The following SLC38A12 variants were observed in gnomAD, a reference collection of about 807,000 sequenced individuals.
SLC38A12 encodes the protein putative sodium-coupled neutral amino acid transporter 12.
chr17:74,813,952 A>T, the SLC38A12 span, among the ~76,000 whole-genome samples: 1 of 152,170 alleles, frequency 6.6e-6, no homozygotes, highest in Non-Finnish European at 1.5e-5. Flanking sequence ...TTCCAGCCAG[A>T]GGAAGGATGA....
At chr17:74,826,200 G>A in the SLC38A12 span, among the ~76,000 whole-genome samples, 1 of 152,118 alleles carries the variant, frequency 6.6e-6, no homozygotes, top group Non-Finnish European at 1.5e-5. Context: ...GCCAGGCTCC[G>A]AGGGTGTGGG....
At chr17:74,818,138 C>T in the SLC38A12 span, among the ~76,000 whole-genome samples, 2 of 152,218 alleles carry the variant, frequency 1.3e-5, no homozygotes, top group African/African-American at 2.4e-5. Flanking sequence ...CCAGAGTCAA[C>T]GTTCTGCATG....
At chr17:74,825,285 G>A in the SLC38A12 span, among the ~76,000 whole-genome samples, 1 of 152,214 alleles carries the variant, frequency 6.6e-6, no homozygotes, top group South Asian at 2.1e-4. Context: ...GGGCTGTTCC[G>A]TGTCCAGTCA....
the SLC38A12 span, among the ~76,000 whole-genome samples, chr17:74,832,240 A>C: frequency 6.8e-6 from 1 of 147,952 alleles, no homozygotes; most frequent in Non-Finnish European, 1.5e-5. Flanking sequence ...CCTTTCCTCC[A>C]TCTCCCAGGG....
chr17:74,788,840 G>A, the SLC38A12 span: 28 of 1,613,406 alleles, frequency 1.7e-5, no homozygotes, highest in East Asian at 1.6e-4. Context: ...CCAACGCGCA[G>A]CTCCACTGGA....
the SLC38A12 span, among the ~76,000 whole-genome samples, chr17:74,818,983 T>C: frequency 6.6e-6 from 1 of 151,460 alleles, no homozygotes; most frequent in East Asian, 1.9e-4. Flanking sequence ...AGAGTTTGAC[T>C]TTTGTTTTTT....
At chr17:74,808,777 A>G in the SLC38A12 span, among the ~76,000 whole-genome samples, 1 of 152,142 alleles carries the variant, frequency 6.6e-6, no homozygotes, top group Non-Finnish European at 1.5e-5. Context: ...CCTGGTTCCA[A>G]AGGTGGGTGG....
At chr17:74,782,642 A>C in the SLC38A12 span, among the ~76,000 whole-genome samples, 1 of 152,208 alleles carries the variant, frequency 6.6e-6, no homozygotes, top group Non-Finnish European at 1.5e-5. Flanking sequence ...AGAACTTCCC[A>C]TTCAGAAGAC....
At chr17:74,834,863 C>G in the SLC38A12 span, among the ~76,000 whole-genome samples, 3 of 152,220 alleles carry the variant, frequency 2.0e-5, no homozygotes, top group African/African-American at 7.2e-5. Flanking sequence ...CTGGTGGTCT[C>G]CGTGTGTGAG....
chr17:74,777,920 TAAAG>T, the SLC38A12 span, among the ~76,000 whole-genome samples: 1 of 152,102 alleles, frequency 6.6e-6, no homozygotes, highest in Admixed American at 6.6e-5. Context: ...GTCTCAAAAA[TAAAG>T]AAATAATGTT....
chr17:74,819,140 G>C, the SLC38A12 span, among the ~76,000 whole-genome samples: 1 of 152,154 alleles, frequency 6.6e-6, no homozygotes. Context: ...GTCATCCCGG[G>C]TACTTCCGAG....
the SLC38A12 span, among the ~76,000 whole-genome samples, chr17:74,804,576 A>G: frequency 6.6e-6 from 1 of 152,242 alleles, no homozygotes; most frequent in African/African-American, 2.4e-5. Context: ...GGACCAAGGA[A>G]CATTTTCATA....
the SLC38A12 span, among the ~76,000 whole-genome samples, chr17:74,809,138 A>G: frequency 6.6e-6 from 1 of 152,168 alleles, no homozygotes; most frequent in Non-Finnish European, 1.5e-5. Context: ...TGAGCATGTC[A>G]TTTACGTAGG....
the SLC38A12 span, among the ~76,000 whole-genome samples, chr17:74,793,653 G>A: frequency 6.6e-6 from 1 of 152,206 alleles, no homozygotes; most frequent in Non-Finnish European, 1.5e-5. Context: ...AGGAAAGGCT[G>A]GGAGTGGGGC....
chr17:74,815,540 CCTCA>C, the SLC38A12 span, among the ~76,000 whole-genome samples: 2 of 152,116 alleles, frequency 1.3e-5, no homozygotes, highest in Non-Finnish European at 2.9e-5. Context: ...ATGTTGACGC[CCTCA>C]CTCACACGCT....
chr17:74,815,336 G>A, the SLC38A12 span, among the ~76,000 whole-genome samples: 507 of 152,286 alleles, frequency 3.3e-3, 3 homozygotes, highest in African/African-American at 0.011. Context: ...GGGACAATGC[G>A]GCCTTGGGAT....
At chr17:74,819,868 C>T in the SLC38A12 span, 12 of 1,596,292 alleles carry the variant, frequency 7.5e-6, no homozygotes, top group Middle Eastern at 1.7e-4. Flanking sequence ...CAGCTCGAGT[C>T]TCTGCGCTTT....
At chr17:74,833,704 G>A in the SLC38A12 span, among the ~76,000 whole-genome samples, 10 of 152,174 alleles carry the variant, frequency 6.6e-5, no homozygotes, top group Non-Finnish European at 4.4e-5. Context: ...GCCCAGGGCC[G>A]AGTGACAGAC....
the SLC38A12 span, chr17:74,785,625 C>T: frequency 6.2e-7 from 1 of 1,610,082 alleles, no homozygotes; most frequent in Non-Finnish European, 8.5e-7. Flanking sequence ...CGGGGACTTC[C>T]CCACAGGGGC....
Sources: gnomAD v4.1 joint callset for allele counts (sites outside exome capture counted in the v4.1 genomes callset) on GRCh38, gnomAD v4.1.1 for gene constraint, MANE v1.5 for transcripts, NCBI Gene and HGNC (gene_info 2026-07-23, HGNC 2026-07-21) for gene names.